The following KAZN variants were observed in gnomAD, a reference collection of about 807,000 sequenced individuals.
KAZN encodes the protein kazrin, periplakin interacting protein.
In KAZN, 40 loss-of-function variants were observed where a neutral mutation model predicts 87.4. That is an observed-to-expected ratio of 0.46 (90% CI 0.36 to 0.60). The LOEUF (loss-of-function observed/expected upper bound fraction) is 0.60, where lower values mean the gene tolerates loss of function less well. Ranked by LOEUF, KAZN falls within the 20% of genes least tolerant of loss-of-function variation. The pLI, the probability that KAZN is intolerant of heterozygous loss-of-function variation, is 0.00. For synonymous variants in KAZN, 466 were observed against 458.3 expected, an observed-to-expected ratio of 1.02 and a Z score of -0.22; for missense variants, 898 against 1,073.9, an observed-to-expected ratio of 0.84 and a Z score of 2.29.
intron 1 of KAZN, among the ~76,000 whole-genome samples, chr1:13,923,977 C>T (rs6674947): frequency 0.097 from 14,687 of 151,804 alleles, 794 homozygotes; most frequent in Middle Eastern, 0.16. Flanking sequence ...GATGGCCCGT[C>T]GGGCAGAGTG....
intron 2 of KAZN, among the ~76,000 whole-genome samples, chr1:14,253,556 G>A (rs1428767661): frequency 6.6e-6 from 1 of 152,180 alleles, no homozygotes; most frequent in African/African-American, 2.4e-5. Context: ...AGATATTCGG[G>A]CTTTTGGCAG....
At chr1:15,043,881 G>T in intron 3 of KAZN, 108 bp from the exon 4 acceptor site, 1 of 1,125,898 alleles carries the variant, frequency 8.9e-7, no homozygotes, top group Non-Finnish European at 1.2e-6. Context: ...CTGACCTCGT[G>T]ACCCCACTTC....
At chr1:14,141,215 A>C in intron 1 of KAZN, among the ~76,000 whole-genome samples, 1 of 148,108 alleles carries the variant, frequency 6.8e-6, no homozygotes, top group African/African-American at 2.5e-5. Context: ...TCTCCATGAC[A>C]CTGTTGAAGT....
At chr1:14,250,241 A>G (rs999902791) in intron 2 of KAZN, among the ~76,000 whole-genome samples, 9 of 152,182 alleles carry the variant, frequency 5.9e-5, no homozygotes, top group Non-Finnish European at 1.3e-4. Context: ...ATTTAGTTTC[A>G]TGGATCTTAT....
intron 1 of KAZN, among the ~76,000 whole-genome samples, chr1:14,877,000 T>C (rs1247575595): frequency 1.3e-5 from 2 of 152,204 alleles, no homozygotes; most frequent in Admixed American, 1.3e-4. Flanking sequence ...AATATATACA[T>C]ACATGTAGAG....
rs534609267 is a variant in KAZN, at chr1:14,642,402, AAAAT to A, written c.226+43198_226+43201del. Among the ~76,000 whole-genome samples the A allele has an allele frequency of 1.2e-4, 18 of 152,286 alleles. No individual in the cohort carries two copies. In the South Asian group the frequency reaches 3.1e-3, roughly 26 times the overall value. On this transcript the variant is annotated intron_variant, in intron 1 of 14. Coordinates refer to ENST00000376030, the MANE Select transcript of KAZN (RefSeq NM_201628.3). The stretch of plus-strand genomic sequence containing the variant: ...GTGACAGAGTGAGACTCCATCTCAA[AAAAT>A]AAATAAATAAATAAATAACCATAGT...
chr1:14,518,772 C>CT (rs1210383215), intron 2 of KAZN, among the ~76,000 whole-genome samples: 1 of 152,192 alleles, frequency 6.6e-6, no homozygotes, highest in Non-Finnish European at 1.5e-5. Flanking sequence ...AAATACAAGG[C>CT]TATTAGGAGA....
At chr1:14,040,399 G>A (rs1239415146) in intron 1 of KAZN, among the ~76,000 whole-genome samples, 1 of 152,150 alleles carries the variant, frequency 6.6e-6, no homozygotes, top group Non-Finnish European at 1.5e-5. Flanking sequence ...AGCGGGGGAT[G>A]GAGGGGATTC....
At chr1:14,930,053 G>A (rs1452548595) in intron 1 of KAZN, 3 of 985,594 alleles carry the variant, frequency 3.0e-6, no homozygotes, top group Non-Finnish European at 3.6e-6. Flanking sequence ...AGGTACGTGA[G>A]TGCTGGCCGC....
intron 1 of KAZN, among the ~76,000 whole-genome samples, chr1:14,845,178 G>A (rs1158441419): frequency 1.3e-5 from 2 of 151,316 alleles, no homozygotes; most frequent in Non-Finnish European, 3.0e-5. Context: ...TGGGTGGATG[G>A]ATGGATGGAT....
chr1:14,387,380 A>AG (rs1275023849), intron 2 of KAZN, among the ~76,000 whole-genome samples: 3 of 152,118 alleles, frequency 2.0e-5, no homozygotes, highest in African/African-American at 7.2e-5. Context: ...TTGGAGGAGG[A>AG]GAGGTGCTCT....
rs537950502 is a variant in KAZN at position 14,705,255 on chromosome 1, C to T, written c.226+106032C>T. On this transcript the variant is annotated intron_variant, in intron 1 of 14. Transcript: ENST00000376030. ...AGTCAGATTGGATTACAGCCCCACCCTCACAGCCTCATTTTAACTTAATTA... is the reference window on the plus strand; with the variant it reads ...AGTCAGATTGGATTACAGCCCCACCTTCACAGCCTCATTTTAACTTAATTA... Among the ~76,000 whole-genome samples the T allele has an allele frequency of 2.6e-5, 4 of 152,352 alleles. 1 individual carries two copies. The highest frequency in any genetic ancestry group is 4.1e-4 in the South Asian group (2 of 4,828).
chr1:14,560,963 G>A (rs1027108257), intron 2 of KAZN, among the ~76,000 whole-genome samples: 2 of 152,290 alleles, frequency 1.3e-5, no homozygotes, highest in African/African-American at 4.8e-5. Context: ...GCCCCATCAG[G>A]AAGAGAAGTG....
intron 1 of KAZN, among the ~76,000 whole-genome samples, chr1:14,674,113 A>G (rs2148743859): frequency 6.6e-6 from 1 of 152,374 alleles, no homozygotes; most frequent in South Asian, 2.1e-4. Flanking sequence ...AAAGGTGAAC[A>G]GATGGCCACT....
Position 14,644,749 on chromosome 1 carries a change from T to A in KAZN, c.226+45526T>A, listed in dbSNP as rs529710862. Among the ~76,000 whole-genome samples, 10 of 152,370 alleles carry A rather than the reference T, an allele frequency of 6.6e-5. No individual in the cohort carries two copies. The South Asian group carries it at 2.1e-3, about 32-fold the overall frequency. Reference sequence around the variant, plus strand: ...GGTTTGCAAATATTTTCTCCCATTCTATAGGTTGTCTGTTTACCCTGTTGA... The same window carrying A: ...GGTTTGCAAATATTTTCTCCCATTCAATAGGTTGTCTGTTTACCCTGTTGA... On this transcript the variant is annotated intron_variant, in intron 1 of 14. Coordinates refer to ENST00000376030, the MANE Select transcript of KAZN (RefSeq NM_201628.3).
chr1:14,247,344 A>G (rs575857876), intron 2 of KAZN, among the ~76,000 whole-genome samples: 1 of 152,330 alleles, frequency 6.6e-6, no homozygotes, highest in East Asian at 1.9e-4. Context: ...AGATGGTTAC[A>G]CTATTAAAAA....
chr1:14,450,126 C>G (rs955406865), intron 2 of KAZN, among the ~76,000 whole-genome samples: 1 of 131,192 alleles, frequency 7.6e-6, no homozygotes, highest in African/African-American at 2.5e-5. Context: ...TGCTGCCCCC[C>G]CGCCTGCAGT....
chr1:13,940,817 A>G, intron 1 of KAZN, among the ~76,000 whole-genome samples: 1 of 152,196 alleles, frequency 6.6e-6, no homozygotes, highest in East Asian at 1.9e-4. Context: ...GTTGTTGCAA[A>G]TATTCTTAAA....
At chr1:14,961,534 G>A (rs999794899) in intron 2 of KAZN, among the ~76,000 whole-genome samples, 1 of 152,178 alleles carries the variant, frequency 6.6e-6, no homozygotes, top group African/African-American at 2.4e-5. Context: ...TATGGGGCTG[G>A]AAGAAGGGTC....
Sources: gnomAD v4.1 joint callset for allele counts (sites outside exome capture counted in the v4.1 genomes callset) on GRCh38, gnomAD v4.1.1 for gene constraint, MANE v1.5 for transcripts, NCBI Gene and HGNC (gene_info 2026-07-23, HGNC 2026-07-21) for gene names.